The following CFAP61 variants were observed in gnomAD, a reference collection of about 807,000 sequenced individuals.
The protein encoded by CFAP61 is cilia and flagella associated protein 61, also known as cilia- and flagella-associated protein 61.
CFAP61 carries 107 observed loss-of-function variants against 135.6 expected under a neutral mutation model. The ratio of observed to expected loss-of-function variants is 0.79; its 90% CI spans 0.67 to 0.93. CFAP61 has a LOEUF of 0.93. CFAP61 is among the 40% of genes least tolerant of loss of function. The probability of loss-of-function intolerance (pLI) is 0.00; values close to 1 mark genes in which losing one functional copy is unlikely to be tolerated. For missense variants in CFAP61, 1,507 were observed against 1,556.2 expected (o/e 0.97, Z 0.53); for synonymous variants, 575 against 578.5 (o/e 0.99, Z 0.09).
rs555394393 is a variant in CFAP61, at chr20:20,277,084, A to G, written c.2504-82A>G. 36 of 1,105,988 alleles carry G rather than the reference A, an allele frequency of 3.3e-5. No homozygotes were observed. The African/African-American group carries it at 5.0e-4, about 15-fold the overall frequency. The allele number at this position is 1,105,988 out of a possible 1,614,324, so 68.5% of individuals were successfully genotyped here. ...GCTGAAAAATGAGAGGGTTATACGG[A>G]GCAATTCGGCATTATTAGCATTTGA... is the stretch of plus-strand genomic sequence containing the variant. On this transcript the variant is annotated intron_variant, in intron 21 of 26. Transcript: ENST00000245957.
chr20:20,201,826 G>T (rs1207219315), intron 17 of CFAP61, among the ~76,000 whole-genome samples: 3 of 152,240 alleles, frequency 2.0e-5, no homozygotes, highest in Admixed American at 1.3e-4. Flanking sequence ...TTATACTTCA[G>T]TGGCAGCCCA....
chr20:20,328,900 G>A (rs1018445404), intron 25 of CFAP61, among the ~76,000 whole-genome samples: 1 of 152,198 alleles, frequency 6.6e-6, no homozygotes, highest in Admixed American at 6.5e-5. Flanking sequence ...TTGTCGGGGT[G>A]TGGAGGTTGG....
At position 20,294,744 on chromosome 20, in the gene CFAP61, A is replaced by C. The variant is rs978423348; in HGVS notation, c.3217-3437A>C. The stretch of plus-strand genomic sequence containing the variant: ...GAGATCGAGACCATCCTGGCTAACA[A>C]GGTGAAACCCCGTCTCTACTAAAAA... On this transcript the variant is annotated intron_variant, in intron 24 of 26. Transcript: ENST00000245957. Among the ~76,000 whole-genome samples the C allele has an allele frequency of 3.3e-5, 5 of 151,624 alleles. 1 individual carries two copies. In the South Asian group the frequency reaches 8.4e-4, roughly 25 times the overall value.
chr20:20,102,532 T>G (rs1391976156), intron 8 of CFAP61, among the ~76,000 whole-genome samples: 1 of 152,182 alleles, frequency 6.6e-6, no homozygotes. Context: ...GTTTGTTACA[T>G]AGGTAAACTT....
chr20:20,359,391 G>A lies in CFAP61; in HGVS notation c.3514-819G>A, dbSNP rs778626395. On this transcript the variant is annotated intron_variant, in intron 26 of 26. Transcript: ENST00000245957. The surrounding 1 kb of genome is among the most constrained non-coding windows in gnomAD (Gnocchi z 4.0). Reference sequence around the variant, plus strand: ...TTTATTTTTAAAACAGAGGCAGGGCGTGGTGGCTCATGCCTGTAATCCCAG... The same window carrying A: ...TTTATTTTTAAAACAGAGGCAGGGCATGGTGGCTCATGCCTGTAATCCCAG... 4.0e-5 allele frequency among the ~76,000 whole-genome samples: 6 copies of A among 151,886 alleles called. No homozygotes were observed. The highest frequency in any genetic ancestry group is 9.7e-5 in the African/African-American group (4 of 41,316).
At chr20:20,113,777 G>A (rs1322492200) in intron 8 of CFAP61, among the ~76,000 whole-genome samples, 1 of 152,120 alleles carries the variant, frequency 6.6e-6, no homozygotes, top group Non-Finnish European at 1.5e-5. Flanking sequence ...CTGTGTCACA[G>A]ATTAAATGTC....
chr20:20,133,165 C>T (rs2050669471), intron 8 of CFAP61, among the ~76,000 whole-genome samples: 1 of 152,200 alleles, frequency 6.6e-6, no homozygotes, highest in African/African-American at 2.4e-5. Flanking sequence ...GATTCTATTA[C>T]TTCTTGCAAC....
chr20:20,052,660 A>G (rs1184653553), intron 1 of CFAP61, 69 bp downstream of exon 1: 4 of 1,613,302 alleles, frequency 2.5e-6, no homozygotes, highest in Non-Finnish European at 3.4e-6. Flanking sequence ...GCGCATCCCC[A>G]GGTCAGCCTC....
At chr20:20,115,913 A>C (rs1388292918) in intron 8 of CFAP61, among the ~76,000 whole-genome samples, 2 of 152,214 alleles carry the variant, frequency 1.3e-5, no homozygotes, top group African/African-American at 4.8e-5. Flanking sequence ...AAGTGCAGAT[A>C]GCTCTTCAGT....
At chr20:20,179,284 A>G (rs943603077) in intron 13 of CFAP61, among the ~76,000 whole-genome samples, 1 of 152,198 alleles carries the variant, frequency 6.6e-6, no homozygotes, top group Non-Finnish European at 1.5e-5. Context: ...CACAATTGCC[A>G]CAAAAAATAA....
At chr20:20,236,029 G>GA (rs908637590) in intron 18 of CFAP61, among the ~76,000 whole-genome samples, 8 of 152,060 alleles carry the variant, frequency 5.3e-5, no homozygotes, top group East Asian at 3.9e-4. Context: ...ACATAGGCTT[G>GA]AAAAAAATGG....
chr20:20,357,403 G>A (rs1225905720), intron 26 of CFAP61, among the ~76,000 whole-genome samples: 3 of 63,098 alleles, frequency 4.8e-5, no homozygotes, highest in Middle Eastern at 0.015. Context: ...CTGAGGGGAG[G>A]TGGTCACAGT....
In CFAP61 at chr20:20,166,403, G is replaced by A; in HGVS notation, c.1212G>A (p.Leu404=). 6.2e-7 allele frequency: 1 copy of A among 1,613,664 alleles called. No homozygotes were observed. Among genetic ancestry groups the A allele is most frequent in the Non-Finnish European group, 8.5e-7 (1 of 1,179,714 alleles). The change falls in exon 12 of 27, where the codon CTG becomes CTA. Residue 404 remains leucine (L), a synonymous_variant. Transcript: ENST00000245957. ...CTTACTGTCTTGTTTACAGGTCGCT[G>A]GATTTTATGAATTTTGTTTTCAGTC... ...CIDEKYEARS[L]DFMNFVFSLF... is the part of the protein sequence containing the mutation.
intron 7 of CFAP61, 45 bp from the exon 8 acceptor site, chr20:20,098,607 CAAA>C (rs10651068): frequency 2.1e-3 from 2,442 of 1,188,786 alleles, no homozygotes; most frequent in Middle Eastern, 2.5e-3. Flanking sequence ...GACTTTGTCT[CAAA>C]AAAAAAAAAA....
At chr20:20,295,083 C>G (rs1192522150) in intron 24 of CFAP61, among the ~76,000 whole-genome samples, 3 of 152,142 alleles carry the variant, frequency 2.0e-5, no homozygotes, top group South Asian at 4.1e-4. Flanking sequence ...CGCTCAGACT[C>G]TCACTGCTCT....
At chr20:20,255,202 C>A (rs1307491108) in intron 20 of CFAP61, among the ~76,000 whole-genome samples, 1 of 152,188 alleles carries the variant, frequency 6.6e-6, no homozygotes, top group Non-Finnish European at 1.5e-5. Context: ...TTTTTGTTGG[C>A]AAACACACTC....
intron 26 of CFAP61, among the ~76,000 whole-genome samples, chr20:20,346,502 GA>G (rs1480141693): frequency 8.5e-6 from 1 of 117,296 alleles, no homozygotes; most frequent in Non-Finnish European, 1.7e-5. Context: ...TGGGCGACAA[GA>G]GCAAAACTCC....
At chr20:20,131,258 C>A (rs2146720664) in intron 8 of CFAP61, among the ~76,000 whole-genome samples, 1 of 148,986 alleles carries the variant, frequency 6.7e-6, no homozygotes, top group South Asian at 2.1e-4. Context: ...GTAAAGCCAG[C>A]TTGCTTCTAC....
At chr20:20,084,148 A>C (rs1158214319) in intron 6 of CFAP61, among the ~76,000 whole-genome samples, 2 of 152,214 alleles carry the variant, frequency 1.3e-5, no homozygotes, top group African/African-American at 4.8e-5. Flanking sequence ...ACTAGAACAC[A>C]CTGCATTCTC....
Sources: gnomAD v4.1 joint callset for allele counts (sites outside exome capture counted in the v4.1 genomes callset) on GRCh38, gnomAD v4.1.1 for gene constraint, Gnocchi (gnomAD v3.1) non-coding constraint, MANE v1.5 for transcripts, NCBI Gene and HGNC (gene_info 2026-07-23, HGNC 2026-07-21) for gene names.